ADGRG4: variants seen among roughly 807,000 people sequenced by gnomAD.
ADGRG4 encodes adhesion G protein-coupled receptor G4, also known as G protein-coupled receptor 112.
In ADGRG4, 122 loss-of-function variants were observed where a neutral mutation model predicts 126.2. That is an observed-to-expected ratio of 0.97 (90% CI 0.83 to 1.12). ADGRG4 has a LOEUF of 1.12. ADGRG4 is among the 50% of genes most tolerant of loss of function. ADGRG4 has a pLI of 0.00. For synonymous variants in ADGRG4, 943 were observed against 838.7 expected (o/e 1.12, Z -2.15); for missense variants, 2,481 against 2,251.8 (o/e 1.10, Z -2.06).
intron 16 of ADGRG4, 44 bp downstream of exon 16, chrX:136,387,918 G>T: frequency 9.0e-7 from 1 of 1,109,951 alleles, no homozygotes; most frequent in South Asian, 2.1e-5. Flanking sequence ...GGCATATGGT[G>T]ACTCATTGTA....
At chrX:136,385,231 A>G (rs1033566260) in intron 15 of ADGRG4, among the ~76,000 whole-genome samples, 4 of 111,517 alleles carry the variant, frequency 3.6e-5, no homozygotes, top group African/African-American at 1.3e-4. Flanking sequence ...TAAATTGTAC[A>G]GTTTTTAGAA....
chrX:136,328,959 C>T (rs931827519), intron 5 of ADGRG4, among the ~76,000 whole-genome samples: 2 of 111,526 alleles, frequency 1.8e-5, no homozygotes, highest in Admixed American at 9.5e-5. Context: ...CCTATAGACT[C>T]AGAGATAGAA....
chrX:136,383,777 T>G (rs773142904), intron 15 of ADGRG4, among the ~76,000 whole-genome samples: 55 of 111,663 alleles, frequency 4.9e-4, no homozygotes, highest in Non-Finnish European at 8.9e-4. Context: ...TAGTTGCTTT[T>G]TAATTGTTTA....
At chrX:136,397,491 C>CTTTTTTTTTTTTTTT (rs1184936316) in intron 19 of ADGRG4, among the ~76,000 whole-genome samples, 59 of 50,560 alleles carry the variant, frequency 1.2e-3, no homozygotes, top group Non-Finnish European at 1.3e-3. Flanking sequence ...AGGAAAAGGA[C>CTTTTTTTTTTTTTTT]TTTTTTTTTT....
chrX:136,317,581 C>T lies in ADGRG4; in HGVS notation c.71-5197C>T, dbSNP rs184179268. On this transcript the variant is annotated intron_variant, in intron 4 of 25. Coordinates refer to ENST00000394143, the MANE Select transcript of ADGRG4 (RefSeq NM_153834.4). ...TGAGCAATAAAAGAAAAGAAAAATT[C>T]GATACATTGAATTTCATTAAAATTA... 2.8e-5 allele frequency among the ~76,000 whole-genome samples: 3 copies of T among 108,349 alleles called. No individual in the cohort carries two copies. In the Admixed American group the frequency reaches 3.0e-4, roughly 11 times the overall value. The allele number at this position is 108,349 out of a possible 115,157, so 94.1% of individuals were successfully genotyped here.
At chrX:136,399,744 TA>T in intron 20 of ADGRG4, 103 bp from the exon 21 acceptor site, 2 of 705,136 alleles carry the variant, frequency 2.8e-6, no homozygotes, top group South Asian at 3.1e-5. Flanking sequence ...CAAAGATGAG[TA>T]ATTCTTTTAT....
chrX:136,346,665 G>T lies in ADGRG4; in HGVS notation c.2959G>T (p.Ala987Ser). 8.3e-7 allele frequency: 1 copy of T among 1,210,548 alleles called. No homozygotes were observed. Among genetic ancestry groups the T allele is most frequent in the South Asian group, 1.8e-5 (1 of 56,890 alleles). ...SFSTTPTDRT[A>S]TSLSDGILPP... ...CTCCACTACCCCTACAGACAGGACA[G>T]CTACGTCCTTGTCTGATGGTATCTT... is the stretch of plus-strand genomic sequence containing the variant. Residue 987 changes from alanine to serine, a missense_variant, in exon 6 of 26, where the codon GCT becomes TCT. Transcript: ENST00000394143.
chrX:136,370,888 T>A (rs2075188589), intron 13 of ADGRG4, among the ~76,000 whole-genome samples: 1 of 111,442 alleles, frequency 9.0e-6, no homozygotes, highest in Non-Finnish European at 1.9e-5. Context: ...TAGTCCATAT[T>A]TGCTTTTTTT....
intron 16 of ADGRG4, among the ~76,000 whole-genome samples, chrX:136,390,969 G>A (rs2148492192): frequency 9.0e-6 from 1 of 110,658 alleles, no homozygotes; most frequent in South Asian, 3.9e-4. Context: ...TTGAGTGTCA[G>A]CAGGGCCCTT....
chrX:136,308,496 C>T (rs958317940), intron 3 of ADGRG4, among the ~76,000 whole-genome samples: 3 of 112,124 alleles, frequency 2.7e-5, no homozygotes, highest in Non-Finnish European at 5.6e-5. Flanking sequence ...CTTGTCTTCT[C>T]AGCACTGTAT....
intron 1 of ADGRG4, among the ~76,000 whole-genome samples, chrX:136,303,719 A>G (rs987519742): frequency 9.0e-6 from 1 of 111,571 alleles, no homozygotes; most frequent in Non-Finnish European, 1.9e-5. Context: ...AGTTGTCAGC[A>G]TAGATGATTT....
At chrX:136,368,775 A>T (rs2148480044) in intron 13 of ADGRG4, among the ~76,000 whole-genome samples, 1 of 112,886 alleles carries the variant, frequency 8.9e-6, no homozygotes, top group South Asian at 3.6e-4. Flanking sequence ...ATAATTAGAA[A>T]GTGAAGAGGT....
At chrX:136,380,235 A>G (rs1022465101) in intron 15 of ADGRG4, among the ~76,000 whole-genome samples, 6 of 110,731 alleles carry the variant, frequency 5.4e-5, no homozygotes, top group Non-Finnish European at 5.7e-5. Context: ...AGGGCAACAT[A>G]AAAACAAGCC....
chrX:136,402,569 G>A (rs1006583929), intron 21 of ADGRG4, among the ~76,000 whole-genome samples: 1 of 111,727 alleles, frequency 9.0e-6, no homozygotes, highest in South Asian at 3.7e-4. Context: ...GTAGGTGCAT[G>A]CGCTTAGTCT....
intron 8 of ADGRG4, among the ~76,000 whole-genome samples, chrX:136,353,881 A>G (rs529552541): frequency 7.1e-5 from 8 of 112,219 alleles, no homozygotes; most frequent in African/African-American, 2.6e-4. Context: ...AGGTGATTGC[A>G]GTGAAATGGG....
intron 11 of ADGRG4, among the ~76,000 whole-genome samples, chrX:136,361,238 A>T (rs979733345): frequency 9.1e-6 from 1 of 109,975 alleles, no homozygotes; most frequent in Non-Finnish European, 1.9e-5. Flanking sequence ...TTTAAAAAAA[A>T]AACACTCCAT....
At chrX:136,340,870 C>T (rs764462953) in intron 5 of ADGRG4, among the ~76,000 whole-genome samples, 17 of 111,694 alleles carry the variant, frequency 1.5e-4, no homozygotes, top group Non-Finnish European at 3.0e-4. Flanking sequence ...TGAATGAAGA[C>T]TTTAGTCTTT....
chrX:136,410,911 C>T (rs1184485933), intron 23 of ADGRG4, among the ~76,000 whole-genome samples: 2 of 111,797 alleles, frequency 1.8e-5, no homozygotes, highest in Non-Finnish European at 3.8e-5. Context: ...AAATGAGTTT[C>T]AGTTTGAGGC....
intron 9 of ADGRG4, among the ~76,000 whole-genome samples, chrX:136,357,208 C>T (rs1280977435): frequency 9.0e-6 from 1 of 111,485 alleles, no homozygotes; most frequent in Non-Finnish European, 1.9e-5. Context: ...CCCTGCTTTT[C>T]CACTTCCTGA....
Sources: gnomAD v4.1 joint callset for allele counts (sites outside exome capture counted in the v4.1 genomes callset) on GRCh38, gnomAD v4.1.1 for gene constraint, MANE v1.5 for transcripts, NCBI Gene and HGNC (gene_info 2026-07-23, HGNC 2026-07-21) for gene names.